The following NEGR1 variants were observed in gnomAD, a reference collection of about 807,000 sequenced individuals.
NEGR1 encodes neuronal growth regulator 1, also known as IgLON family member 4.
In NEGR1, 10 loss-of-function variants were observed where a neutral mutation model predicts 40.9. The ratio of observed to expected loss-of-function variants is 0.24; its 90% confidence interval spans 0.15 to 0.42. The LOEUF (loss-of-function observed/expected upper bound fraction) is 0.42. Among genes scored for constraint, NEGR1 ranks in the 10% least tolerant of loss-of-function variants. The probability of loss-of-function intolerance (pLI) is 1.00; values close to 1 mark genes in which losing one functional copy is unlikely to be tolerated. For missense variants in NEGR1, 352 were observed against 438.9 expected (o/e 0.80, Z 1.77); for synonymous variants, 185 against 166.8 (o/e 1.11, Z -0.84).
chr1:72,086,500 G>C (rs1352528706), intron 1 of NEGR1, among the ~76,000 whole-genome samples: 3 of 152,198 alleles, frequency 2.0e-5, no homozygotes, highest in African/African-American at 7.2e-5. Flanking sequence ...CCGTTGTGTG[G>C]AATATTGAGT....
intron 1 of NEGR1, among the ~76,000 whole-genome samples, chr1:72,268,592 T>C (rs1655733243): frequency 6.6e-6 from 1 of 151,514 alleles, no homozygotes; most frequent in Non-Finnish European, 1.5e-5. Flanking sequence ...ATTGGGTGAA[T>C]GAACTCCTGA....
At chr1:71,806,986 G>A (rs562500833) in intron 2 of NEGR1, among the ~76,000 whole-genome samples, 140 of 147,218 alleles carry the variant, frequency 9.5e-4, no homozygotes, top group African/African-American at 3.1e-3. Flanking sequence ...TCCACCTTCC[G>A]GGTTCACACC....
intron 1 of NEGR1, among the ~76,000 whole-genome samples, chr1:72,107,640 T>G (rs1488976578): frequency 6.6e-6 from 1 of 151,516 alleles, no homozygotes; most frequent in East Asian, 1.9e-4. Context: ...AAAGCTAATG[T>G]GTTTATTTAA....
intron 1 of NEGR1, among the ~76,000 whole-genome samples, chr1:71,937,348 A>G (rs1433902931): frequency 2.0e-5 from 3 of 152,210 alleles, no homozygotes; most frequent in Non-Finnish European, 4.4e-5. Context: ...CACAGATCAC[A>G]TTTGTGCTGG....
rs142090521 is a variant in NEGR1, at chr1:71,612,356, T to C, written c.668-1210A>G. The stretch of plus-strand genomic sequence containing the variant: ...TCATTCTTTGTATATTCCAAGATCA[T>C]TACACAGTGCCTAGCACAGTGTGAT... On this transcript the variant is annotated intron_variant, in intron 4 of 6. Coordinates refer to ENST00000357731, the MANE Select transcript of NEGR1 (RefSeq NM_173808.3). Among the ~76,000 whole-genome samples the C allele has an allele frequency of 6.4e-4, 98 of 152,352 alleles. 1 individual carries two copies. The highest frequency in any genetic ancestry group is 2.2e-3 in the African/African-American group (91 of 41,580).
chr1:71,557,335 G>C (rs1437500417), intron 6 of NEGR1, among the ~76,000 whole-genome samples: 1 of 151,594 alleles, frequency 6.6e-6, no homozygotes, highest in Admixed American at 6.6e-5. Flanking sequence ...GTATGGCGAA[G>C]TCTGGGAAAT....
chr1:72,113,463 A>T (rs2821244), intron 1 of NEGR1, among the ~76,000 whole-genome samples: 104,139 of 151,170 alleles, frequency 0.69, 36,003 homozygotes, highest in East Asian at 0.84. Context: ...TTAGAAAAAA[A>T]ATATATATAT....
intron 1 of NEGR1, among the ~76,000 whole-genome samples, chr1:71,987,431 G>C (rs1276734321): frequency 6.6e-6 from 1 of 152,200 alleles, no homozygotes; most frequent in African/African-American, 2.4e-5. Flanking sequence ...GGAAGGGGTA[G>C]GTGAAGGGGG....
At chr1:72,229,023 T>G (rs779796416) in intron 1 of NEGR1, among the ~76,000 whole-genome samples, 6 of 151,994 alleles carry the variant, frequency 3.9e-5, no homozygotes, top group Non-Finnish European at 5.9e-5. Context: ...GTTCCATGCC[T>G]CTCTCTCTCA....
In NEGR1 at chr1:71,422,913, A is replaced by G. The variant is rs550438837; in HGVS notation, c.941-15343T>C. ...TCTTTTTCTATTCCTAGGTGTGTTT[A>G]CTAAATTATACAAGTCTGCTAATAC... On this transcript the variant is annotated intron_variant, in intron 6 of 6. Transcript: ENST00000357731. 4 of 152,334 alleles carry G rather than the reference A, an allele frequency of 2.6e-5. 1 individual carries two copies. In the East Asian group the frequency reaches 7.7e-4, roughly 29 times the overall value. The allele number at this position is 152,334 out of a possible 1,614,324, so 9.4% of individuals were successfully genotyped here.
chr1:71,454,670 GA>G (rs1200644471), intron 6 of NEGR1, among the ~76,000 whole-genome samples: 2 of 152,164 alleles, frequency 1.3e-5, no homozygotes, highest in Non-Finnish European at 2.9e-5. Context: ...TTTTGGACCA[GA>G]AGGTCCAGCT....
At chr1:72,135,222 A>C (rs1432227258) in intron 1 of NEGR1, among the ~76,000 whole-genome samples, 7 of 150,120 alleles carry the variant, frequency 4.7e-5, no homozygotes, top group Admixed American at 1.3e-4. Context: ...TAAAAATACA[A>C]AAAATTAGCC....
intron 1 of NEGR1, among the ~76,000 whole-genome samples, chr1:72,002,069 C>T (rs2100382969): frequency 6.6e-6 from 1 of 152,096 alleles, no homozygotes; most frequent in South Asian, 2.1e-4. Flanking sequence ...CTTTTTGCTA[C>T]TACTTCTCAG....
rs184292255 is a variant in NEGR1 at position 72,076,699 on chromosome 1, C to A, written c.177-141388G>T. Among the ~76,000 whole-genome samples, 883 of 151,690 alleles carry A rather than the reference C, an allele frequency of 5.8e-3. 4 individuals carry two copies. Among genetic ancestry groups the A allele is most frequent in the African/African-American group, 0.02 (842 of 41,088 alleles). On this transcript the variant is annotated intron_variant, in intron 1 of 6. Transcript: ENST00000357731. Reference sequence around the variant, plus strand: ...GTGTGTATGTATATGTGTGTACATACATATATACACACATGCGTGCACACG... The same window carrying A: ...GTGTGTATGTATATGTGTGTACATAAATATATACACACATGCGTGCACACG...
chr1:71,998,124 T>G (rs1480217123), intron 1 of NEGR1, among the ~76,000 whole-genome samples: 1 of 151,960 alleles, frequency 6.6e-6, no homozygotes, highest in African/African-American at 2.4e-5. Flanking sequence ...ACTAGGATTT[T>G]TAAGTCAACA....
intron 6 of NEGR1, among the ~76,000 whole-genome samples, chr1:71,504,235 G>A (rs558539080): frequency 6.6e-6 from 1 of 151,944 alleles, no homozygotes; most frequent in African/African-American, 2.4e-5. Flanking sequence ...TACAAAAAAA[G>A]ATTGATGGAT....
chr1:72,160,626 C>A (rs990496214), intron 1 of NEGR1, among the ~76,000 whole-genome samples: 1 of 152,088 alleles, frequency 6.6e-6, no homozygotes, highest in African/African-American at 2.4e-5. Context: ...TACATAGATT[C>A]TATCATGATT....
At chr1:71,803,612 T>C (rs1657641439) in intron 2 of NEGR1, among the ~76,000 whole-genome samples, 1 of 152,208 alleles carries the variant, frequency 6.6e-6, no homozygotes, top group South Asian at 2.1e-4. Context: ...TCCCTTCAGA[T>C]ATATGCATAG....
chr1:71,491,221 A>C (rs1289974787), intron 6 of NEGR1, among the ~76,000 whole-genome samples: 5 of 152,056 alleles, frequency 3.3e-5, no homozygotes, highest in Non-Finnish European at 2.9e-5. Flanking sequence ...TAGGCATTAT[A>C]AGTAGTCAAG....
Sources: gnomAD v4.1 joint callset for allele counts (sites outside exome capture counted in the v4.1 genomes callset) on GRCh38, gnomAD v4.1.1 for gene constraint, MANE v1.5 for transcripts, NCBI Gene and HGNC (gene_info 2026-07-23, HGNC 2026-07-21) for gene names.